The following SRL variants were observed in gnomAD, a reference collection of about 807,000 sequenced individuals.
The protein encoded by SRL is sarcalumenin.
A neutral mutation model predicts 39.5 loss-of-function variants in SRL; 23 were observed. The observed-to-expected ratio is 0.58, with a 90% CI of 0.42 to 0.82. The LOEUF (loss-of-function observed/expected upper bound fraction) is 0.82, where lower values mean the gene tolerates loss of function less well. Among genes scored for constraint, SRL ranks in the 40% least tolerant of loss-of-function variants. The pLI is 0.00. For synonymous variants in SRL, 272 were observed against 237.4 expected (o/e 1.15, Z -1.34); for missense variants, 592 against 607.8 (o/e 0.97, Z 0.27).
chr16:4,229,543 A>T (rs2052636097), intron 1 of SRL, among the ~76,000 whole-genome samples: 2 of 152,092 alleles, frequency 1.3e-5, no homozygotes, highest in African/African-American at 4.8e-5. Context: ...AAAACCAGAG[A>T]CTGCATATTC....
chr16:4,230,227 G>T (rs1246527093), intron 1 of SRL, among the ~76,000 whole-genome samples: 6 of 152,132 alleles, frequency 3.9e-5, no homozygotes, highest in Admixed American at 3.3e-4. Context: ...CAGAGCTCCA[G>T]ATCAGCCAGG....
chr16:4,230,304 A>T (rs1388206125), intron 1 of SRL, among the ~76,000 whole-genome samples: 1 of 152,172 alleles, frequency 6.6e-6, no homozygotes, highest in African/African-American at 2.4e-5. Context: ...ACCCAGTGGA[A>T]GACCATCCCC....
intron 1 of SRL, among the ~76,000 whole-genome samples, chr16:4,240,382 C>A (rs539343465): frequency 6.6e-6 from 1 of 152,226 alleles, no homozygotes; most frequent in South Asian, 2.1e-4. Flanking sequence ...CCGGTGGATG[C>A]AGGAGGAGGC....
chr16:4,228,530 T>A (rs927037135), intron 1 of SRL, among the ~76,000 whole-genome samples: 1 of 151,792 alleles, frequency 6.6e-6, no homozygotes, highest in East Asian at 1.9e-4. Flanking sequence ...GGTCAGGAGA[T>A]CGAGACCATC....
At chr16:4,237,469 A>C (rs1234072670) in intron 1 of SRL, among the ~76,000 whole-genome samples, 1 of 152,064 alleles carries the variant, frequency 6.6e-6, no homozygotes, top group Non-Finnish European at 1.5e-5. Flanking sequence ...CCTCTCTGGC[A>C]TGGCTGACTA....
intron 1 of SRL, among the ~76,000 whole-genome samples, chr16:4,206,227 C>T (rs1202035767): frequency 6.6e-6 from 1 of 152,192 alleles, no homozygotes; most frequent in African/African-American, 2.4e-5. Context: ...GAGTCAACAG[C>T]GGTCACAGCC....
chr16:4,227,814 C>T (rs944935369), intron 1 of SRL, among the ~76,000 whole-genome samples: 3 of 152,194 alleles, frequency 2.0e-5, no homozygotes, highest in African/African-American at 7.2e-5. Context: ...CATCATGTGA[C>T]AGCTACATGA....
At chr16:4,202,491 G>A (rs1473646118) in intron 3 of SRL, among the ~76,000 whole-genome samples, 1 of 151,908 alleles carries the variant, frequency 6.6e-6, no homozygotes, top group Non-Finnish European at 1.5e-5. Context: ...TATTCGGGAG[G>A]CTGAGGCAGA....
rs951001367 is a variant in SRL, at chr16:4,203,104, C to T, written c.259+62G>A. 4.1e-6 allele frequency: 6 copies of T among 1,460,414 alleles called. No homozygotes were observed. In the Admixed American group the frequency reaches 8.4e-5, roughly 20 times the overall value. 90.5% of individuals were successfully genotyped at this position (1,460,414 alleles called of 1,614,324 possible). The stretch of plus-strand genomic sequence containing the variant: ...AGTCCAGGCCGGTCAGCAGTGTGGC[C>T]CCGCCGACAGGCCTGCGCCGTACCC... On this transcript the variant is annotated intron_variant, in intron 3 of 5. Transcript: ENST00000399609.
chr16:4,205,623 C>T (rs868191434), intron 1 of SRL, among the ~76,000 whole-genome samples: 6 of 152,060 alleles, frequency 3.9e-5, no homozygotes, highest in East Asian at 1.9e-4. Context: ...AAGCCCCAGA[C>T]GAGCCTTATT....
intron 3 of SRL, among the ~76,000 whole-genome samples, chr16:4,199,466 G>C (rs2052193470): frequency 7.0e-6 from 1 of 143,756 alleles, no homozygotes; most frequent in African/African-American, 2.6e-5. Context: ...AACCTCCCAG[G>C]CTCAAGCGAT....
chr16:4,190,302 T>C lies in SRL; in HGVS notation c.*1851A>G, dbSNP rs2052045668. 2.5e-6 allele frequency: 1 copy of C among 399,202 alleles called. No homozygotes were observed. Among genetic ancestry groups the C allele is most frequent in the East Asian group, 3.6e-5 (1 of 28,074 alleles). 24.7% of individuals were successfully genotyped at this position (399,202 alleles called of 1,614,324 possible). A position where few individuals can be genotyped will look rare whatever the true frequency, so the allele number is the denominator to read the frequency against. On this transcript the variant is annotated 3_prime_UTR_variant, in exon 6 of 6. Transcript: ENST00000399609. ...CCTGACCTCAGAGTGCCTCTCCCTCTGCCTGCCTTTCCACTGTCCTGGGTC... is the reference window on the plus strand; with the variant it reads ...CCTGACCTCAGAGTGCCTCTCCCTCCGCCTGCCTTTCCACTGTCCTGGGTC...
Position 4,192,132 on chromosome 16 carries a change from A to G in SRL, c.*21T>C, listed in dbSNP as rs142510243. 7.2e-4 allele frequency: 1,094 copies of G among 1,528,176 alleles called. 2 individuals carry two copies. The highest frequency in any genetic ancestry group is 4.5e-3 in the Middle Eastern group (25 of 5,614). The allele number at this position is 1,528,176 out of a possible 1,614,324, so 94.7% of individuals were successfully genotyped here. On this transcript the variant is annotated 3_prime_UTR_variant, in exon 6 of 6. Transcript: ENST00000399609. The surrounding 1 kb of genome is among the most constrained non-coding windows in gnomAD (Gnocchi z 4.0). The stretch of plus-strand genomic sequence containing the variant: ...GACACAAGCTGATTCACCAACAGGA[A>G]CCCAAGGACCGCTCCACCACCTAGT...
intron 3 of SRL, among the ~76,000 whole-genome samples, chr16:4,199,693 C>CTTTTTTT (rs35631556): frequency 9.3e-5 from 9 of 96,424 alleles, no homozygotes; most frequent in African/African-American, 1.6e-4. Flanking sequence ...TTTTCTTTTC[C>CTTTTTTT]TTTTTTTTTT....
intron 1 of SRL, among the ~76,000 whole-genome samples, chr16:4,224,391 G>A (rs981958030): frequency 1.3e-5 from 2 of 151,958 alleles, no homozygotes; most frequent in African/African-American, 2.4e-5. Context: ...GTACTAGAAC[G>A]TACAAGATAT....
Position 4,191,428 on chromosome 16 carries a change from C to A in SRL, c.*725G>T, listed in dbSNP as rs952880776. 1.3e-5 allele frequency: 2 copies of A among 152,380 alleles called. No homozygotes were observed. Among genetic ancestry groups the A allele is most frequent in the African/African-American group, 4.8e-5 (2 of 41,442 alleles). 9.4% of individuals were successfully genotyped at this position (152,380 alleles called of 1,614,324 possible). Reference sequence around the variant, plus strand: ...AGGAGTTCGAGGCCAGCCTGGGCAACATGGTGAAGTCCCGTTTCTACTAAA... The same window carrying A: ...AGGAGTTCGAGGCCAGCCTGGGCAAAATGGTGAAGTCCCGTTTCTACTAAA... On this transcript the variant is annotated 3_prime_UTR_variant, in exon 6 of 6. Transcript: ENST00000399609.
At chr16:4,228,467 G>C (rs1257373418) in intron 1 of SRL, among the ~76,000 whole-genome samples, 3 of 152,006 alleles carry the variant, frequency 2.0e-5, no homozygotes, top group Non-Finnish European at 4.4e-5. Flanking sequence ...TGGACGCAGT[G>C]GCTCACACCT....
chr16:4,220,512 C>T (rs1204557597), intron 1 of SRL, among the ~76,000 whole-genome samples: 1 of 152,134 alleles, frequency 6.6e-6, no homozygotes, highest in East Asian at 1.9e-4. Context: ...CTCTGATTTA[C>T]ATCCCCAGAC....
At chr16:4,214,000 A>T (rs2141046687) in intron 1 of SRL, among the ~76,000 whole-genome samples, 1 of 152,268 alleles carries the variant, frequency 6.6e-6, no homozygotes, top group Middle Eastern at 3.4e-3. Flanking sequence ...TGAGCTGTTC[A>T]AGCCCAGATA....
Sources: allele counts gnomAD v4.1 joint callset (sites outside exome capture counted in the v4.1 genomes callset), GRCh38; gene constraint gnomAD v4.1.1; non-coding constraint Gnocchi (gnomAD v3.1); transcripts MANE v1.5; gene names NCBI Gene and HGNC (gene_info 2026-07-23, HGNC 2026-07-21).